SI: variants seen among roughly 807,000 people sequenced by gnomAD.
SI encodes sucrase-isomaltase.
A neutral mutation model predicts 253.3 loss-of-function variants in SI; 235 were observed. The observed-to-expected ratio is 0.93, with a 90% CI of 0.83 to 1.03. The LOEUF (loss-of-function observed/expected upper bound fraction) is 1.03, where lower values mean the gene tolerates loss of function less well. SI is among the 50% of genes least tolerant of loss of function. SI has a pLI of 0.00. For missense variants in SI, 2,442 were observed against 2,211.1 expected (o/e 1.10, Z -2.09); for synonymous variants, 819 against 712.0 (o/e 1.15, Z -2.39).
intron 25 of SI, among the ~76,000 whole-genome samples, chr3:165,024,281 C>G (rs1479457796): frequency 6.6e-6 from 1 of 151,000 alleles, no homozygotes; most frequent in South Asian, 2.1e-4. Context: ...AAATAGGAAC[C>G]CTGGCCAAGA....
chr3:165,059,595 A>G (rs899482290), intron 10 of SI, among the ~76,000 whole-genome samples: 1 of 151,936 alleles, frequency 6.6e-6, no homozygotes, highest in Non-Finnish European at 1.5e-5. Flanking sequence ...TTTTCAGAAA[A>G]TTTTTTAAAA....
intron 37 of SI, among the ~76,000 whole-genome samples, chr3:165,002,247 G>T (rs1402636000): frequency 1.3e-5 from 2 of 151,662 alleles, no homozygotes; most frequent in East Asian, 1.9e-4. Context: ...TTGAAGAATA[G>T]GCTTTATTTC....
chr3:165,056,644 C>T (rs1281532714), intron 12 of SI, among the ~76,000 whole-genome samples: 1 of 152,066 alleles, frequency 6.6e-6, no homozygotes, highest in Non-Finnish European at 1.5e-5. Flanking sequence ...CATTGGAGCT[C>T]AGTATTGGCC....
In SI at chr3:165,043,177, TA is replaced by T; in HGVS notation, c.1888-3del. On this transcript the variant is annotated splice_region_variant and splice_polypyrimidine_tract_variant and intron_variant, in intron 16 of 47. Coordinates refer to ENST00000264382, the MANE Select transcript of SI (RefSeq NM_001041.4). ...AAATCCACAGATGTCTGCTCCAACC[TA>T]AATAACAAATATATTTACTATTTAT... The T allele has an allele frequency of 6.3e-7, 1 of 1,589,024 alleles. No homozygotes were observed. The highest frequency in any genetic ancestry group is 8.6e-7 in the Non-Finnish European group (1 of 1,158,636).
Position 164,982,252 on chromosome 3 carries a change from A to G in SI, c.5406T>C (p.Thr1802=). 1 of 1,611,888 alleles carries G rather than the reference A, an allele frequency of 6.2e-7. No homozygotes were observed. Among genetic ancestry groups the G allele is most frequent in the East Asian group, 2.2e-5 (1 of 44,750 alleles). The stretch of plus-strand genomic sequence containing the variant: ...TTCTTACATTACTTACCATGTTGGT[A>G]GTGTCTTCATTAAAAGGAAGCGAAT... ...NKNSLPFNED[T]TNMILRIDLT... The change falls in exon 47 of 48, where the codon ACT becomes ACC. Residue 1802 remains threonine, a synonymous_variant. Transcript: ENST00000264382.
chr3:165,062,578 A>G (rs1459469318), intron 8 of SI, 95 bp from the exon 9 acceptor site: 2 of 681,008 alleles, frequency 2.9e-6, no homozygotes, highest in Non-Finnish European at 5.4e-6. Flanking sequence ...TATTAACTAC[A>G]TTATTTTACA....
At chr3:165,019,574 C>A in intron 28 of SI, 28 bp downstream of exon 28, 1 of 1,606,104 alleles carries the variant, frequency 6.2e-7, no homozygotes, top group Non-Finnish European at 8.5e-7. Context: ...TTAGTTGCCT[C>A]GTGGAGTGGT....
At chr3:165,019,941 C>A (rs1711512197) in intron 27 of SI, among the ~76,000 whole-genome samples, 171 bp from the exon 28 acceptor site, 2 of 151,684 alleles carry the variant, frequency 1.3e-5, no homozygotes, top group Non-Finnish European at 2.9e-5. Flanking sequence ...TACATGTTTT[C>A]TTTTAGCTAA....
At chr3:165,074,789 T>C (rs1024503968) in intron 2 of SI, 122 bp from the exon 3 acceptor site, 4 of 832,722 alleles carry the variant, frequency 4.8e-6, no homozygotes, top group African/African-American at 3.5e-5. Flanking sequence ...AATTTTAAAA[T>C]AAATTTTGCA....
chr3:165,019,609 G>C lies in SI; in HGVS notation c.3416C>G (p.Pro1139Arg). 1 of 1,612,128 alleles carries C rather than the reference G, an allele frequency of 6.2e-7. No homozygotes were observed. The highest frequency in any genetic ancestry group is 8.5e-7 in the Non-Finnish European group (1 of 1,178,726). Residue 1139 changes from proline to arginine, a missense_variant, in exon 28 of 48, where the codon CCC (proline) becomes CGC (arginine). By Grantham distance (103) the Pro-to-Arg change is moderately radical (BLOSUM62 -2). Coordinates refer to ENST00000264382, the MANE Select transcript of SI (RefSeq NM_001041.4). The stretch of plus-strand genomic sequence containing the variant: ...TCATATGTTGGTACCTACACCAGGG[G>C]GTTGGTCTCTTGTGAACATTCCCCA... ...NTWGMFTRDQPPGYKLNSYGF... is the reference protein window; with the variant it reads ...NTWGMFTRDQRPGYKLNSYGF...
At chr3:165,072,845 T>TTGC (rs71863596) in intron 3 of SI, among the ~76,000 whole-genome samples, 1 of 26,990 alleles carries the variant, frequency 3.7e-5, no homozygotes, top group African/African-American at 9.3e-5. Context: ...TAAAATCATT[T>TTGC]TAAGTTGCAC....
intron 37 of SI, among the ~76,000 whole-genome samples, chr3:165,003,521 G>A (rs969356671): frequency 6.6e-6 from 1 of 151,892 alleles, no homozygotes; most frequent in African/African-American, 2.4e-5. Context: ...TGAGTTTTTG[G>A]TCATACATTC....
At chr3:165,030,106 A>T (rs923153480) in intron 25 of SI, among the ~76,000 whole-genome samples, 2 of 150,864 alleles carry the variant, frequency 1.3e-5, no homozygotes, top group African/African-American at 4.8e-5. Flanking sequence ...GGTTATATTA[A>T]ATAAATATAT....
At chr3:165,004,376 T>C (rs747137919) in intron 37 of SI, among the ~76,000 whole-genome samples, 1 of 152,134 alleles carries the variant, frequency 6.6e-6, no homozygotes, top group African/African-American at 2.4e-5. Context: ...ACAACCACTA[T>C]GAAGAGCAGT....
intron 45 of SI, among the ~76,000 whole-genome samples, chr3:164,984,053 C>T (rs1371108232): frequency 6.6e-6 from 1 of 151,948 alleles, no homozygotes; most frequent in African/African-American, 2.4e-5. Context: ...AAGTGACTTT[C>T]AAAGCAGTTA....
intron 33 of SI, among the ~76,000 whole-genome samples, chr3:165,014,341 CG>C (rs1287045808): frequency 6.6e-6 from 1 of 151,986 alleles, no homozygotes; most frequent in Non-Finnish European, 1.5e-5. Context: ...CTCCGCCTCC[CG>C]GGTTCACTCC....
upstream of SI, among the ~76,000 whole-genome samples, chr3:165,081,571 G>A (rs529061141): frequency 2.0e-4 from 31 of 152,006 alleles, 1 homozygote; most frequent in South Asian, 5.6e-3. Flanking sequence ...TATGTTACTT[G>A]CCACCAGGAT....
In SI at chr3:164,992,121, CCAAA is replaced by C. The variant is rs992523208; in HGVS notation, c.4983+52_4983+55del. 3 of 1,409,892 alleles carry C rather than the reference CCAAA, an allele frequency of 2.1e-6. No individual in the cohort carries two copies. The African/African-American group carries it at 4.2e-5, about 20-fold the overall frequency. The allele number at this position is 1,409,892 out of a possible 1,614,324, so 87.3% of individuals were successfully genotyped here. A position where few individuals can be genotyped will look rare whatever the true frequency, so the allele number is the denominator to read the frequency against. ...CATACCGTTAATGAAAAGGCTAGGG[CCAAA>C]CAATTACCCGTTTCTGTTTAGTTAA... On this transcript the variant is annotated intron_variant, in intron 43 of 47. Transcript: ENST00000264382.
In SI at chr3:165,006,862, C is replaced by T. The variant is rs771309530; in HGVS notation, c.4360G>A (p.Asp1454Asn). The T allele has an allele frequency of 8.1e-6, 13 of 1,612,238 alleles. No individual in the cohort carries two copies. In the East Asian group the frequency reaches 1.1e-4, roughly 14 times the overall value. ...LSDGTSVLHY[D>N]VHNLYGWSQM... is the part of the protein sequence containing the mutation. ...GACCATCCATAGAGATTGTGAACAT[C>T]GTAATGCAAAACTGATGTTCCATCA... The change falls in exon 37 of 48, where the codon GAT becomes AAT. Residue 1454 changes from aspartate to asparagine, a missense_variant. Coordinates refer to ENST00000264382, the MANE Select transcript of SI (RefSeq NM_001041.4).
Sources: gnomAD v4.1 joint callset for allele counts (sites outside exome capture counted in the v4.1 genomes callset) on GRCh38, gnomAD v4.1.1 for gene constraint, MANE v1.5 for transcripts, NCBI Gene and HGNC (gene_info 2026-07-23, HGNC 2026-07-21) for gene names.